The following SNRPN variants were observed in gnomAD, a reference collection of about 807,000 sequenced individuals.
SNRPN encodes small nuclear ribonucleoprotein polypeptide N.
SNRPN carries 7 observed loss-of-function variants against 25.2 expected under a neutral mutation model. The ratio of observed to expected loss-of-function variants is 0.28; its 90% CI spans 0.16 to 0.52. The LOEUF is 0.52. Among genes scored for constraint, SNRPN ranks in the 20% least tolerant of loss-of-function variants. The pLI, the probability that SNRPN is intolerant of heterozygous loss-of-function variation, is 0.96. For missense variants in SNRPN, 196 were observed against 322.5 expected (o/e 0.61, Z 3.00); for synonymous variants, 124 against 110.6 (o/e 1.12, Z -0.76).
chr15:24,853,011 A>T (rs2053023279), upstream of SNRPN, among the ~76,000 whole-genome samples: 1 of 152,180 alleles, frequency 6.6e-6, no homozygotes, highest in Admixed American at 6.6e-5. Context: ...AGGGAATTCC[A>T]AATATATTGC....
chr15:24,870,428 C>T lies in SNRPN; in HGVS notation c.-579+13712C>T, dbSNP rs79673827. Among the ~76,000 whole-genome samples the T allele has an allele frequency of 5.9e-3, 902 of 152,166 alleles. 9 individuals carry two copies. The highest frequency in any genetic ancestry group is 0.02 in the Middle Eastern group (6 of 294). On this transcript the variant is annotated intron_variant, in intron 1 of 11. Transcript: ENST00000400097. ...ACCTGATTAACTTAAACATAAATTC[C>T]TACTAATGTCTCCAGCACTACATGA...
chr15:24,824,734 T>C (rs1475060028), intron 1 of SNRPN, among the ~76,000 whole-genome samples: 1 of 152,096 alleles, frequency 6.6e-6, no homozygotes, highest in Non-Finnish European at 1.5e-5. Context: ...TGTTTTAGGC[T>C]GAACCTTTGA....
At chr15:24,970,509 G>T (rs148083165) in intron 3 of SNRPN, among the ~76,000 whole-genome samples, 1 of 152,172 alleles carries the variant, frequency 6.6e-6, no homozygotes, top group Non-Finnish European at 1.5e-5. Context: ...AACCCTAGGG[G>T]CAGAGGTTGC....
intron 1 of SNRPN, among the ~76,000 whole-genome samples, chr15:24,824,604 A>G (rs972963289): frequency 3.3e-4 from 50 of 152,236 alleles, no homozygotes; most frequent in Admixed American, 2.1e-3. Flanking sequence ...GGGAATTACA[A>G]TCTTTATTTC....
chr15:24,846,746 A>C (rs1452907614), intron 2 of SNRPN, among the ~76,000 whole-genome samples: 1 of 152,198 alleles, frequency 6.6e-6, no homozygotes, highest in Non-Finnish European at 1.5e-5. Context: ...GGAAGTTAGA[A>C]ATCTATGTCA....
At chr15:24,832,393 A>T (rs2050608768) in intron 2 of SNRPN, among the ~76,000 whole-genome samples, 1 of 152,052 alleles carries the variant, frequency 6.6e-6, no homozygotes, top group Admixed American at 6.5e-5. Context: ...GGCCAGCTGG[A>T]CTTCCTGGGT....
intron 3 of SNRPN, among the ~76,000 whole-genome samples, chr15:24,946,336 G>A (rs907154829): frequency 6.6e-6 from 1 of 152,136 alleles, no homozygotes; most frequent in African/African-American, 2.4e-5. Context: ...CAGCCTAGGA[G>A]GTCGAGGCTG....
At chr15:24,932,671 C>CA (rs1397612960) in intron 3 of SNRPN, among the ~76,000 whole-genome samples, 2 of 144,828 alleles carry the variant, frequency 1.4e-5, no homozygotes, top group Admixed American at 6.9e-5. Flanking sequence ...TCCTTTGAGA[C>CA]AGAGTTTCAC....
chr15:24,916,342 G>A (rs980117666), intron 2 of SNRPN, among the ~76,000 whole-genome samples: 9 of 152,080 alleles, frequency 5.9e-5, no homozygotes, highest in African/African-American at 2.2e-4. Flanking sequence ...AAAGTGGGGG[G>A]AGAGAGAGAC....
intron 2 of SNRPN, among the ~76,000 whole-genome samples, chr15:24,916,408 A>G (rs2059527981): frequency 6.6e-6 from 1 of 152,054 alleles, no homozygotes; most frequent in Non-Finnish European, 1.5e-5. Flanking sequence ...TCAGATAGGT[A>G]CATAAGCTTA....
Position 24,835,061 on chromosome 15 carries a change from G to T in SNRPN, c.-579+5156G>T, listed in dbSNP as rs1182623181. Among the ~76,000 whole-genome samples, 16 of 27,262 alleles carry T rather than the reference G, an allele frequency of 5.9e-4. 1 individual carries two copies. Among genetic ancestry groups the T allele is most frequent in the East Asian group, 1.4e-3 (1 of 722 alleles). The allele number at this position is 27,262 out of a possible 152,430, so 17.9% of individuals were successfully genotyped here. On this transcript the variant is annotated intron_variant, in intron 2 of 12. Coordinates refer to the SNRPN transcript ENST00000400100. Reference sequence around the variant, plus strand: ...ATATATATCTATATATAAAAATATAGATATATAGTATATATATCTATATAT... The same window carrying T: ...ATATATATCTATATATAAAAATATATATATATAGTATATATATCTATATAT...
chr15:24,945,185 T>C (rs576078236), intron 3 of SNRPN, among the ~76,000 whole-genome samples: 25 of 152,196 alleles, frequency 1.6e-4, no homozygotes, highest in African/African-American at 5.5e-4. Flanking sequence ...GTTGTAGTCA[T>C]AGACAATACA....
intron 8 of SNRPN, 92 bp from the exon 9 acceptor site, chr15:24,978,100 GT>G (rs1349607086): frequency 1.5e-6 from 2 of 1,359,082 alleles, no homozygotes; most frequent in African/African-American, 2.9e-5. Flanking sequence ...TATCATTGTT[GT>G]CTGGCCCATT....
intron 3 of SNRPN, among the ~76,000 whole-genome samples, chr15:24,942,892 A>C (rs77246286): frequency 6.6e-6 from 1 of 152,132 alleles, no homozygotes; most frequent in Non-Finnish European, 1.5e-5. Flanking sequence ...CATCATGGCC[A>C]CTTCGTTTAT....
At chr15:24,874,322 A>G (rs1566853554) in intron 1 of SNRPN, among the ~76,000 whole-genome samples, 1 of 149,328 alleles carries the variant, frequency 6.7e-6, no homozygotes, top group Non-Finnish European at 1.5e-5. Flanking sequence ...AAAAAAAAAA[A>G]AAAAAAAAAA....
chr15:24,925,842 C>T (rs889297253), intron 3 of SNRPN, among the ~76,000 whole-genome samples: 4 of 151,886 alleles, frequency 2.6e-5, no homozygotes, highest in African/African-American at 4.8e-5. Context: ...CCCAGGTTCA[C>T]GCCATTCTCT....
chr15:24,972,619 A>G (rs2076567462), intron 3 of SNRPN, among the ~76,000 whole-genome samples: 1 of 149,388 alleles, frequency 6.7e-6, no homozygotes. Context: ...TCTCCGCTCA[A>G]AAAGATACTT....
intron 2 of SNRPN, among the ~76,000 whole-genome samples, chr15:24,906,318 A>G (rs1259026990): frequency 6.6e-6 from 1 of 152,066 alleles, no homozygotes; most frequent in Non-Finnish European, 1.5e-5. Flanking sequence ...GTTTTTGTAG[A>G]GATGGGGTTT....
Position 24,859,001 on chromosome 15 carries a change from G to A in SNRPN, c.-579+2285G>A, listed in dbSNP as rs1042863161. Reference sequence around the variant, plus strand: ...GAGACTAGCTCTCTAGCTCATTGCAGACACCCCTTCCCCTTTTCCCCTCTC... The same window carrying A: ...GAGACTAGCTCTCTAGCTCATTGCAAACACCCCTTCCCCTTTTCCCCTCTC... On this transcript the variant is annotated intron_variant, in intron 1 of 11. Coordinates refer to the SNRPN transcript ENST00000400097. Among the ~76,000 whole-genome samples, 4 of 152,080 alleles carry A rather than the reference G, an allele frequency of 2.6e-5. No individual in the cohort carries two copies. The East Asian group carries it at 7.8e-4, about 29-fold the overall frequency.
Sources: gnomAD v4.1 joint callset for allele counts (sites outside exome capture counted in the v4.1 genomes callset) on GRCh38, gnomAD v4.1.1 for gene constraint, MANE v1.5 for transcripts, NCBI Gene and HGNC (gene_info 2026-07-23, HGNC 2026-07-21) for gene names.